The following LRRC8C variants were observed in gnomAD, a reference collection of about 807,000 sequenced individuals.
LRRC8C encodes the protein volume-regulated anion channel subunit LRRC8C.
In LRRC8C, 20 loss-of-function variants were observed where a neutral mutation model predicts 55.3. The observed-to-expected ratio is 0.36, with a 90% CI of 0.25 to 0.53. LRRC8C has a LOEUF of 0.53. LRRC8C is among the 20% of genes least tolerant of loss of function. LRRC8C has a pLI of 0.92. For synonymous variants in LRRC8C, 376 were observed against 360.7 expected (o/e 1.04, Z -0.48); for missense variants, 659 against 951.4 (o/e 0.69, Z 4.04).
the LRRC8C span, among the ~76,000 whole-genome samples, chr1:89,620,663 C>G: frequency 6.6e-6 from 1 of 151,684 alleles, no homozygotes; most frequent in Admixed American, 6.6e-5. Context: ...AATGCCAATG[C>G]AGGTTTAAAT....
rs773921188 is a variant in LRRC8C, at chr1:89,714,867, T to G, written c.2297T>G (p.Ile766Ser). 2 of 1,614,024 alleles carry G rather than the reference T, an allele frequency of 1.2e-6. No individual in the cohort carries two copies. Among genetic ancestry groups the G allele is most frequent in the African/African-American group, 2.7e-5 (2 of 74,918 alleles). Reference sequence around the variant, plus strand: ...GATGTAAAAGGTAATCACTTTGAAATCCTCCCTCCTGAACTGGGTGACTGT... The same window carrying G: ...GATGTAAAAGGTAATCACTTTGAAAGCCTCCCTCCTGAACTGGGTGACTGT... ...YLDVKGNHFE[I>S]LPPELGDCRA... Residue 766 changes from isoleucine (I) to serine (S), a missense_variant, in exon 3 of 3, where the codon ATC becomes AGC. This residue lies in a region of LRRC8C where 344 missense variants were observed against 464.6 expected (regional missense o/e 0.74). Coordinates refer to ENST00000370454, the MANE Select transcript of LRRC8C (RefSeq NM_032270.5). This position sits in a 1 kb window ranked among gnomAD's most constrained non-coding sequence, Gnocchi z 4.6.
At chr1:89,655,765 A>G (rs988338787) in intron 1 of LRRC8C, among the ~76,000 whole-genome samples, 9 of 152,148 alleles carry the variant, frequency 5.9e-5, no homozygotes, top group African/African-American at 2.2e-4. Context: ...ACTCTTAAAG[A>G]TCTCCTTACT....
rs758893273 is a variant in LRRC8C at position 89,714,364 on chromosome 1, C to G, written c.1794C>G (p.His598Gln). 1.4e-5 allele frequency: 23 copies of G among 1,614,178 alleles called. No individual in the cohort carries two copies. The highest frequency in any genetic ancestry group is 2.2e-5 in the East Asian group (1 of 44,890). The change falls in exon 3 of 3, where the codon CAC (histidine) becomes CAG (glutamine). Residue 598 changes from histidine to glutamine, a missense_variant. Around this residue, in one of 5 missense-constraint regions of LRRC8C, gnomAD observed 344 missense variants for 464.6 expected, o/e 0.74. Coordinates refer to ENST00000370454, the MANE Select transcript of LRRC8C (RefSeq NM_032270.5). The surrounding 1 kb of genome is among the most constrained non-coding windows in gnomAD (Gnocchi z 4.6). ...ATCTGACAGAGCTGGAGCTGGTCCA[C>G]TGTGACCTGGAGCGTATTCCTCATG... ...MTNLTELELV[H>Q]CDLERIPHAV...
At chr1:89,624,383 T>C in the LRRC8C span, among the ~76,000 whole-genome samples, 3 of 152,216 alleles carry the variant, frequency 2.0e-5, no homozygotes, top group African/African-American at 7.2e-5. Flanking sequence ...TAATAGACTA[T>C]TCTATGTCAT....
At chr1:89,659,196 G>A (rs1357947675) in intron 1 of LRRC8C, among the ~76,000 whole-genome samples, 1 of 151,788 alleles carries the variant, frequency 6.6e-6, no homozygotes, top group East Asian at 1.9e-4. Flanking sequence ...CAAGTAGCTA[G>A]ACTGTGTCAG....
At chr1:89,684,008 A>G (rs1323566225) in intron 1 of LRRC8C, among the ~76,000 whole-genome samples, 1 of 152,104 alleles carries the variant, frequency 6.6e-6, no homozygotes, top group Non-Finnish European at 1.5e-5. Context: ...TTGTTCTACT[A>G]ATTTTGTTTT....
At chr1:89,676,454 A>G (rs1271714638) in intron 1 of LRRC8C, 1 of 152,216 alleles carries the variant, frequency 6.6e-6, no homozygotes, top group Non-Finnish European at 1.5e-5. Flanking sequence ...AATAATCATT[A>G]TTTACAACAA....
intron 1 of LRRC8C, among the ~76,000 whole-genome samples, chr1:89,673,807 A>T (rs1306858434): frequency 2.0e-5 from 3 of 152,192 alleles, no homozygotes; most frequent in Non-Finnish European, 4.4e-5. Flanking sequence ...GCACAAATGA[A>T]TGGAAAGTAC....
upstream of LRRC8C, among the ~76,000 whole-genome samples, chr1:89,629,121 G>A (rs1245902710): frequency 6.6e-6 from 1 of 152,160 alleles, no homozygotes; most frequent in Admixed American, 6.5e-5. Context: ...TCTAGGGAAG[G>A]TTTTATTTTT....
the LRRC8C span, among the ~76,000 whole-genome samples, chr1:89,620,888 A>G: frequency 2.0e-5 from 3 of 152,248 alleles, no homozygotes; most frequent in African/African-American, 7.2e-5. Context: ...AAAGTTTTTC[A>G]GCAAAGACCA....
upstream of LRRC8C, chr1:89,631,695 G>C (rs1215500): frequency 0.56 from 85,185 of 151,776 alleles, 24,446 homozygotes; most frequent in East Asian, 0.74. Flanking sequence ...AGGTAAGCCC[G>C]GACCTAAATT....
chr1:89,683,286 A>C (rs1040078612), intron 1 of LRRC8C, among the ~76,000 whole-genome samples: 1 of 152,172 alleles, frequency 6.6e-6, no homozygotes, highest in Admixed American at 6.5e-5. Context: ...TTACAAAATC[A>C]TGCGTTACAA....
intron 2 of LRRC8C, among the ~76,000 whole-genome samples, chr1:89,702,402 A>AAT: frequency 6.6e-6 from 1 of 152,276 alleles, no homozygotes; most frequent in East Asian, 1.9e-4. Context: ...ATTTAAAATA[A>AAT]ATATACAGAG....
the LRRC8C span, among the ~76,000 whole-genome samples, chr1:89,621,313 A>C: frequency 0.093 from 14,074 of 151,008 alleles, 2,195 homozygotes; most frequent in African/African-American, 0.32. Flanking sequence ...AAAAAAAAAA[A>C]AAAAAATTAG....
intron 2 of LRRC8C, among the ~76,000 whole-genome samples, chr1:89,689,098 A>T (rs1387854756): frequency 6.6e-6 from 1 of 152,210 alleles, no homozygotes; most frequent in Admixed American, 6.5e-5. Flanking sequence ...GGAAAGGCTG[A>T]TGTTGCCTTG....
At chr1:89,655,800 C>T (rs1220683299) in intron 1 of LRRC8C, among the ~76,000 whole-genome samples, 3 of 152,192 alleles carry the variant, frequency 2.0e-5, no homozygotes, top group Non-Finnish European at 4.4e-5. Flanking sequence ...GTATCCCTTA[C>T]TTGTCTGTTG....
chr1:89,671,592 C>G (rs1228165154), intron 1 of LRRC8C, among the ~76,000 whole-genome samples: 1 of 152,152 alleles, frequency 6.6e-6, no homozygotes, highest in Non-Finnish European at 1.5e-5. Flanking sequence ...CCGGTGATGA[C>G]CATCCCACTG....
chr1:89,706,056 C>A (rs569924196), intron 2 of LRRC8C, among the ~76,000 whole-genome samples: 1 of 152,032 alleles, frequency 6.6e-6, no homozygotes, highest in Non-Finnish European at 1.5e-5. Context: ...TAAAGTTTAT[C>A]GTGAAAGACA....
intron 2 of LRRC8C, among the ~76,000 whole-genome samples, chr1:89,700,939 A>G (rs1244734188): frequency 6.6e-6 from 1 of 152,194 alleles, no homozygotes; most frequent in Non-Finnish European, 1.5e-5. Context: ...CTATTTTATC[A>G]TACACTGCAA....
Sources: gnomAD v4.1 joint callset for allele counts (sites outside exome capture counted in the v4.1 genomes callset) on GRCh38, gnomAD v4.1.1 for gene constraint, gnomAD v4.1.1 regional missense constraint, Gnocchi (gnomAD v3.1) non-coding constraint, MANE v1.5 for transcripts, NCBI Gene and HGNC (gene_info 2026-07-23, HGNC 2026-07-21) for gene names.